The following MBNL2 variants were observed in gnomAD, a reference collection of about 807,000 sequenced individuals.
MBNL2 encodes the protein muscleblind like splicing regulator 2, also known as muscleblind-like protein 2.
MBNL2 carries 17 observed loss-of-function variants against 41.9 expected under a neutral mutation model. That is an observed-to-expected ratio of 0.41 (90% CI 0.28 to 0.61). The LOEUF (loss-of-function observed/expected upper bound fraction) is 0.61. MBNL2 is among the 20% of genes least tolerant of loss of function. The probability of loss-of-function intolerance (pLI) is 0.35; values close to 1 mark genes in which losing one functional copy is unlikely to be tolerated. For missense variants in MBNL2, 336 were observed against 505.6 expected, an observed-to-expected ratio of 0.66 and a Z score of 3.22; for synonymous variants, 195 against 182.9, an observed-to-expected ratio of 1.07 and a Z score of -0.53.
At chr13:97,285,108 C>G (rs1051199495) in intron 2 of MBNL2, among the ~76,000 whole-genome samples, 1 of 152,122 alleles carries the variant, frequency 6.6e-6, no homozygotes, top group Non-Finnish European at 1.5e-5. Context: ...CAGTACACTT[C>G]TTTCAGTCAA....
At chr13:97,310,587 G>A (rs1159271711) in intron 2 of MBNL2, among the ~76,000 whole-genome samples, 1 of 151,736 alleles carries the variant, frequency 6.6e-6, no homozygotes, top group African/African-American at 2.4e-5. Flanking sequence ...CCGCCACCAT[G>A]CCTGGCTAAT....
intron 1 of MBNL2, among the ~76,000 whole-genome samples, chr13:97,270,850 C>A (rs1487255738): frequency 6.6e-6 from 1 of 152,196 alleles, no homozygotes; most frequent in Non-Finnish European, 1.5e-5. Context: ...AACCATCTAA[C>A]CTAGCTCAAG....
chr13:97,223,677 T>C (rs935366945), intron 1 of MBNL2, among the ~76,000 whole-genome samples: 1 of 152,146 alleles, frequency 6.6e-6, no homozygotes, highest in Non-Finnish European at 1.5e-5. Context: ...TTGGGGACAA[T>C]AAGGTTTTTA....
chr13:97,260,288 G>A (rs923585966), intron 1 of MBNL2, among the ~76,000 whole-genome samples: 2 of 152,196 alleles, frequency 1.3e-5, no homozygotes, highest in African/African-American at 2.4e-5. Context: ...GATGGTTGGG[G>A]GGAGTCAGAA....
intron 1 of MBNL2, among the ~76,000 whole-genome samples, chr13:97,243,589 C>T (rs2044766503): frequency 6.6e-6 from 1 of 152,126 alleles, no homozygotes; most frequent in African/African-American, 2.4e-5. Context: ...TGGAGAAGCA[C>T]GTCAGTCTTC....
At chr13:97,208,583 TA>T in the MBNL2 span, among the ~76,000 whole-genome samples, 3 of 152,222 alleles carry the variant, frequency 2.0e-5, 1 homozygote, top group African/African-American at 4.8e-5. Context: ...ACAGGCCATG[TA>T]AAAAAAGTCT....
intron 1 of MBNL2, among the ~76,000 whole-genome samples, chr13:97,269,411 G>T (rs1419662976): frequency 6.6e-6 from 1 of 152,142 alleles, no homozygotes; most frequent in East Asian, 1.9e-4. Flanking sequence ...ATTGTGGAAC[G>T]TCTGGAGGTG....
chr13:97,177,988 T>G, the MBNL2 span, among the ~76,000 whole-genome samples: 1 of 152,152 alleles, frequency 6.6e-6, no homozygotes, highest in African/African-American at 2.4e-5. Flanking sequence ...TTTCAAAAAT[T>G]TACCTCCTAT....
chr13:97,197,629 A>G, the MBNL2 span, among the ~76,000 whole-genome samples: 1 of 152,150 alleles, frequency 6.6e-6, no homozygotes, highest in Non-Finnish European at 1.5e-5. Flanking sequence ...TCTCTTGATA[A>G]AAATCACATG....
intron 8 of MBNL2, among the ~76,000 whole-genome samples, chr13:97,387,501 C>A (rs1240226689): frequency 6.6e-6 from 1 of 152,162 alleles, no homozygotes. Context: ...CTGTAGGTTC[C>A]ACCCCAGGGC....
intron 1 of MBNL2, among the ~76,000 whole-genome samples, chr13:97,256,023 G>T (rs564860921): frequency 2.0e-5 from 3 of 152,144 alleles, no homozygotes; most frequent in Admixed American, 6.5e-5. Context: ...GAAGCAAATT[G>T]GTTGAAGAAA....
At chr13:97,382,233 A>T (rs184911034) in intron 8 of MBNL2, among the ~76,000 whole-genome samples, 1 of 152,354 alleles carries the variant, frequency 6.6e-6, no homozygotes. Context: ...TCCTACAGAG[A>T]CAGCCATGGC....
chr13:97,301,676 G>T (rs149537388), intron 2 of MBNL2, among the ~76,000 whole-genome samples: 1 of 152,098 alleles, frequency 6.6e-6, no homozygotes, highest in East Asian at 1.9e-4. Flanking sequence ...TGAGTTCTCC[G>T]CCAGCCCCGG....
chr13:97,276,540 G>C (rs1392104043), intron 2 of MBNL2, 131 bp downstream of exon 2: 16 of 879,678 alleles, frequency 1.8e-5, no homozygotes, highest in Non-Finnish European at 2.8e-5. Flanking sequence ...GTGACTGTTG[G>C]GAGATTTTTC....
At chr13:97,231,055 G>A (rs1438527056) in intron 1 of MBNL2, among the ~76,000 whole-genome samples, 1 of 152,178 alleles carries the variant, frequency 6.6e-6, no homozygotes, top group East Asian at 1.9e-4. Flanking sequence ...AGAGTGATTG[G>A]AGATATCACT....
At chr13:97,245,398 TATC>T (rs2045257515) in intron 1 of MBNL2, among the ~76,000 whole-genome samples, 1 of 152,212 alleles carries the variant, frequency 6.6e-6, no homozygotes, top group African/African-American at 2.4e-5. Context: ...ACCCTTGGCA[TATC>T]ATAGGCTATT....
chr13:97,222,590 T>G (rs2040967468), intron 1 of MBNL2, 59 bp downstream of exon 1: 1 of 396,250 alleles, frequency 2.5e-6, no homozygotes, highest in Admixed American at 4.4e-5. Context: ...TATGCTGCAT[T>G]CCATGTGTGC....
At position 97,343,452 on chromosome 13, in the gene MBNL2, T is replaced by C. The variant is rs185570545; in HGVS notation, c.540+236T>C. Among the ~76,000 whole-genome samples the C allele has an allele frequency of 9.2e-5, 14 of 152,298 alleles. No homozygotes were observed. In the East Asian group the frequency reaches 2.7e-3, roughly 29 times the overall value. ...TAACACAAAAATCAGCTGCATGGAATATGCGTTTAAGGGAAAAATATTAAA... is the reference window on the plus strand; with the variant it reads ...TAACACAAAAATCAGCTGCATGGAACATGCGTTTAAGGGAAAAATATTAAA... On this transcript the variant is annotated intron_variant, in intron 4 of 8. Transcript: ENST00000679496.
intron 2 of MBNL2, among the ~76,000 whole-genome samples, chr13:97,310,008 T>C (rs1426115650): frequency 6.6e-6 from 1 of 152,138 alleles, no homozygotes; most frequent in Admixed American, 6.5e-5. Context: ...TGAACATTCA[T>C]TTGAAGAGAT....
Sources: allele counts gnomAD v4.1 joint callset (sites outside exome capture counted in the v4.1 genomes callset), GRCh38; gene constraint gnomAD v4.1.1; transcripts MANE v1.5; gene names NCBI Gene and HGNC (gene_info 2026-07-23, HGNC 2026-07-21).